GPR158: variants seen among roughly 807,000 people sequenced by gnomAD.
GPR158 encodes G protein-coupled receptor 158.
GPR158 carries 30 observed loss-of-function variants against 78.2 expected under a neutral mutation model. That is an observed-to-expected ratio of 0.38 (90% CI 0.29 to 0.52). GPR158 has a LOEUF of 0.52. GPR158 is among the 20% of genes least tolerant of loss of function. The probability of loss-of-function intolerance (pLI) is 0.83; values close to 1 mark genes in which losing one functional copy is unlikely to be tolerated. For synonymous variants in GPR158, 581 were observed against 591.1 expected (o/e 0.98, Z 0.25); for missense variants, 1,463 against 1,523.5 (o/e 0.96, Z 0.66).
intron 2 of GPR158, among the ~76,000 whole-genome samples, chr10:25,358,616 A>G (rs757737475): frequency 6.6e-6 from 1 of 152,018 alleles, no homozygotes; most frequent in Non-Finnish European, 1.5e-5. Context: ...CTTGCCTTCC[A>G]CCATGATTGT....
At chr10:25,264,324 A>G (rs114677092) in intron 2 of GPR158, among the ~76,000 whole-genome samples, 1,555 of 152,318 alleles carry the variant, frequency 0.01, 23 homozygotes, top group South Asian at 0.057. Flanking sequence ...CAGTTGCCAT[A>G]TAAGAAGTAC....
At chr10:25,496,838 G>A (rs977154526) in intron 5 of GPR158, among the ~76,000 whole-genome samples, 1 of 152,184 alleles carries the variant, frequency 6.6e-6, no homozygotes, top group African/African-American at 2.4e-5. Flanking sequence ...CCTTGTTGCA[G>A]TTGGGTAACA....
chr10:25,427,938 T>C (rs1236481614), intron 4 of GPR158, among the ~76,000 whole-genome samples: 1 of 152,096 alleles, frequency 6.6e-6, no homozygotes, highest in Non-Finnish European at 1.5e-5. Flanking sequence ...TGTCTGACTA[T>C]GTCCGTACAA....
At chr10:25,269,412 T>C (rs1414440092) in intron 2 of GPR158, among the ~76,000 whole-genome samples, 2 of 152,212 alleles carry the variant, frequency 1.3e-5, no homozygotes, top group African/African-American at 4.8e-5. Flanking sequence ...AAAGTGTTTG[T>C]TAATCCTATG....
chr10:25,595,827 A>G (rs1029192072), intron 9 of GPR158, among the ~76,000 whole-genome samples: 11 of 152,328 alleles, frequency 7.2e-5, no homozygotes, highest in Non-Finnish European at 1.6e-4. Flanking sequence ...TGGTTGCACA[A>G]CCTCATGAAT....
In GPR158 at chr10:25,572,674, A is replaced by T. The variant is rs1837024600; in HGVS notation, c.1540A>T (p.Thr514Ser). The change falls in exon 7 of 11, where the codon ACG becomes TCG. Residue 514 changes from threonine to serine, a missense_variant. By Grantham distance (58) the Thr-to-Ser change is moderately conservative. Coordinates refer to ENST00000376351, the MANE Select transcript of GPR158 (RefSeq NM_020752.3). The stretch of plus-strand genomic sequence containing the variant: ...GGTTTTGAAGGTGTTTCTTTCACGA[A>T]CGGCTCAACGAATTCCATATATGAC... ...HRVLKVFLSR[T>S]AQRIPYMTGG... The T allele has an allele frequency of 6.2e-7, 1 of 1,613,568 alleles. No individual in the cohort carries two copies. The highest frequency in any genetic ancestry group is 1.7e-5 in the Admixed American group (1 of 60,008).
intron 2 of GPR158, among the ~76,000 whole-genome samples, chr10:25,288,360 G>T (rs565811145): frequency 1.9e-4 from 29 of 152,302 alleles, no homozygotes; most frequent in African/African-American, 7.0e-4. Flanking sequence ...TTACAAGTGA[G>T]AAATTTTAAA....
chr10:25,228,039 C>T (rs1316529402), intron 2 of GPR158, among the ~76,000 whole-genome samples: 3 of 152,092 alleles, frequency 2.0e-5, no homozygotes, highest in Non-Finnish European at 1.5e-5. Context: ...CTTCTTTGTT[C>T]TACCTGTTTT....
chr10:25,435,359 G>T (rs932398456), intron 4 of GPR158, among the ~76,000 whole-genome samples: 1 of 152,152 alleles, frequency 6.6e-6, no homozygotes, highest in African/African-American at 2.4e-5. Flanking sequence ...TTTAAATGAG[G>T]TTGTTTCTGA....
At chr10:25,305,415 G>A (rs1854658668) in intron 2 of GPR158, among the ~76,000 whole-genome samples, 1 of 152,196 alleles carries the variant, frequency 6.6e-6, no homozygotes, top group African/African-American at 2.4e-5. Flanking sequence ...AAAACTCAAA[G>A]TGTGGATGGG....
rs144380617 is a variant in GPR158 at position 25,572,830 on chromosome 10, G to A, written c.1696G>A (p.Asp566Asn). The part of the protein sequence containing the change: ...ISLIGQGKTS[D>N]HLIFNMCLID... The stretch of plus-strand genomic sequence containing the variant: ...ACTTATTGGCCAGGGGAAAACATCC[G>A]ATCACCTCATCTTCAATATGTGCCT... The change falls in exon 7 of 11, where the codon GAT (aspartate) becomes AAT (asparagine). Residue 566 changes from aspartate to asparagine, a missense_variant. Asp to Asn is a conservative substitution (Grantham distance 23). Transcript: ENST00000376351. 65 of 1,613,582 alleles carry A rather than the reference G, an allele frequency of 4.0e-5. No homozygotes were observed. The highest frequency in any genetic ancestry group is 2.4e-4 in the African/African-American group (18 of 74,878).
At chr10:25,564,503 G>A (rs80298006) in intron 6 of GPR158, among the ~76,000 whole-genome samples, 176 of 152,250 alleles carry the variant, frequency 1.2e-3, no homozygotes, top group African/African-American at 3.9e-3. Context: ...AATGACACCC[G>A]TTAGCTTTGT....
chr10:25,445,271 A>G (rs1395304173), intron 4 of GPR158, among the ~76,000 whole-genome samples: 14 of 152,208 alleles, frequency 9.2e-5, no homozygotes, highest in Admixed American at 9.2e-4. Context: ...TAAAAGATGC[A>G]TAAGACTTTC....
rs568089763 is a variant in GPR158, at chr10:25,600,686, A to G, written c.*1412A>G. On this transcript the variant is annotated 3_prime_UTR_variant, in exon 11 of 11. Transcript: ENST00000376351. ...ATTTATTCAAAACCTATAAGGTGGT[A>G]TGGAATCTTCATTCTCCCAAGCACT... The G allele has an allele frequency of 2.6e-5, 4 of 152,738 alleles. No individual in the cohort carries two copies. The highest frequency in any genetic ancestry group is 1.9e-4 in the East Asian group (1 of 5,180). The allele number at this position is 152,738 out of a possible 1,614,324, so 9.5% of individuals were successfully genotyped here. A position where few individuals can be genotyped will look rare whatever the true frequency, so the allele number is the denominator to read the frequency against.
intron 6 of GPR158, among the ~76,000 whole-genome samples, chr10:25,564,502 C>T (rs1210171364): frequency 2.6e-5 from 4 of 152,156 alleles, no homozygotes; most frequent in South Asian, 2.1e-4. Flanking sequence ...AAATGACACC[C>T]GTTAGCTTTG....
At chr10:25,526,366 T>C (rs1836347859) in intron 5 of GPR158, among the ~76,000 whole-genome samples, 1 of 152,118 alleles carries the variant, frequency 6.6e-6, no homozygotes, top group African/African-American at 2.4e-5. Context: ...GTGTGAAGAC[T>C]AGCACTTAAG....
At chr10:25,179,225 T>C (rs1194568071) in intron 1 of GPR158, among the ~76,000 whole-genome samples, 2 of 152,204 alleles carry the variant, frequency 1.3e-5, no homozygotes, top group African/African-American at 4.8e-5. Flanking sequence ...TTGACAGGTA[T>C]GGTAACAAGG....
At chr10:25,514,645 G>A (rs561968582) in intron 5 of GPR158, among the ~76,000 whole-genome samples, 18 of 152,138 alleles carry the variant, frequency 1.2e-4, no homozygotes, top group African/African-American at 4.3e-4. Flanking sequence ...GTTTTATTTT[G>A]GTGTATTTCA....
At chr10:25,468,183 T>A (rs1835451036) in intron 5 of GPR158, among the ~76,000 whole-genome samples, 1 of 152,152 alleles carries the variant, frequency 6.6e-6, no homozygotes, top group Non-Finnish European at 1.5e-5. Context: ...AAGGAGTGTT[T>A]GGGGGCGTTC....
Sources: gnomAD v4.1 joint callset for allele counts (sites outside exome capture counted in the v4.1 genomes callset) on GRCh38, gnomAD v4.1.1 for gene constraint, MANE v1.5 for transcripts, NCBI Gene and HGNC (gene_info 2026-07-23, HGNC 2026-07-21) for gene names.